Variants in KLHL8 observed in about 807,000 individuals in gnomAD.
KLHL8 encodes kelch-like protein 8.
Under a neutral mutation model 63.5 loss-of-function variants are expected in KLHL8, and 38 were observed. That is an observed-to-expected ratio of 0.60 (90% CI 0.46 to 0.78). KLHL8 has a LOEUF of 0.78. Among genes scored for constraint, KLHL8 ranks in the 30% least tolerant of loss-of-function variants. The pLI is 0.00. For synonymous variants in KLHL8, 224 were observed against 254.3 expected, an observed-to-expected ratio of 0.88 and a Z score of 1.13; for missense variants, 566 against 752.4, an observed-to-expected ratio of 0.75 and a Z score of 2.90.
intron 1 of KLHL8, among the ~76,000 whole-genome samples, chr4:87,215,048 C>T (rs1230648290): frequency 6.6e-6 from 1 of 152,182 alleles, no homozygotes; most frequent in Non-Finnish European, 1.5e-5. Flanking sequence ...ATCCACCTGC[C>T]TCGGCCTCCC....
intron 1 of KLHL8, among the ~76,000 whole-genome samples, chr4:87,232,773 C>T (rs1733157343): frequency 6.6e-6 from 1 of 152,036 alleles, no homozygotes; most frequent in African/African-American, 2.4e-5. Flanking sequence ...TCATAATTTG[C>T]ACTTATCTAG....
intron 1 of KLHL8, among the ~76,000 whole-genome samples, chr4:87,214,219 T>C (rs1368685609): frequency 6.6e-6 from 1 of 151,628 alleles, no homozygotes; most frequent in Admixed American, 6.6e-5. Context: ...ATCTTTTTTT[T>C]TTTAATGACA....
intron 1 of KLHL8, among the ~76,000 whole-genome samples, chr4:87,202,053 T>C (rs1316179978): frequency 6.7e-6 from 1 of 150,092 alleles, no homozygotes; most frequent in East Asian, 2.0e-4. Flanking sequence ...GAGCTTGCAG[T>C]GAGCCGAGAT....
intron 1 of KLHL8, among the ~76,000 whole-genome samples, chr4:87,214,357 T>A (rs1234421845): frequency 6.9e-6 from 1 of 145,660 alleles, no homozygotes; most frequent in Non-Finnish European, 1.5e-5. Flanking sequence ...AAAATAATAG[T>A]ATCAACCTCA....
chr4:87,236,943 C>T (rs185677914), intron 1 of KLHL8, among the ~76,000 whole-genome samples: 2 of 152,242 alleles, frequency 1.3e-5, no homozygotes, highest in African/African-American at 2.4e-5. Flanking sequence ...AGATTACAGG[C>T]GCGAGCCACG....
intron 6 of KLHL8, among the ~76,000 whole-genome samples, chr4:87,175,580 C>T (rs1382683645): frequency 6.6e-6 from 1 of 152,072 alleles, no homozygotes. Context: ...CTTTGGAATC[C>T]TGATTTGGTC....
Position 87,195,535 on chromosome 4 carries a change from GC to G in KLHL8, c.4del (p.Ala2LeufsTer5). On this transcript the variant is annotated frameshift_variant, in exon 2 of 10. Transcript: ENST00000273963. LOFTEE classifies it high-confidence loss of function. ...TTGTTTACTACTCATAGAATCTGAA[GC>G]CATTTGCAATATTCCTCTTTTAATA... Reference protein sequence around the residue: MASDSMSSKQAR... With the variant: MXSDSMSSKQAR... The G allele has an allele frequency of 6.2e-7, 1 of 1,611,922 alleles. No homozygotes were observed. The highest frequency in any genetic ancestry group is 1.3e-5 in the African/African-American group (1 of 74,922).
At chr4:87,222,130 A>G (rs946245723), upstream of KLHL8, among the ~76,000 whole-genome samples, 3 of 152,148 alleles carry the variant, frequency 2.0e-5, no homozygotes, top group Admixed American at 2.0e-4. Context: ...TAGACCTGCC[A>G]AAGAGGAACA....
chr4:87,203,064 C>A (rs1341929334), intron 1 of KLHL8, among the ~76,000 whole-genome samples: 1 of 152,150 alleles, frequency 6.6e-6, no homozygotes, highest in Non-Finnish European at 1.5e-5. Context: ...ACCACAACAA[C>A]ATACTAAAGA....
intron 6 of KLHL8, among the ~76,000 whole-genome samples, chr4:87,171,028 T>C (rs1578361472): frequency 6.6e-6 from 1 of 152,312 alleles, no homozygotes; most frequent in South Asian, 2.1e-4. Flanking sequence ...ACAGAGCTCA[T>C]TTTGTTGCAG....
In KLHL8 at chr4:87,195,589, T is replaced by A. The variant is rs113067191; in HGVS notation, c.-50A>T. The A allele has an allele frequency of 4.0e-6, 6 of 1,492,328 alleles. No individual in the cohort carries two copies. The highest frequency in any genetic ancestry group is 1.4e-5 in the African/African-American group (1 of 71,794). The allele number at this position is 1,492,328 out of a possible 1,614,324, so 92.4% of individuals were successfully genotyped here. A position where few individuals can be genotyped will look rare whatever the true frequency, so the allele number is the denominator to read the frequency against. ...GCTCTCTTCTCAAACATGCCATTTA[T>A]TTTTTTTCAAAGGGTAGAGAGAAGG... On this transcript the variant is annotated 5_prime_UTR_variant, in exon 2 of 10. Coordinates refer to ENST00000273963, the MANE Select transcript of KLHL8 (RefSeq NM_020803.5).
chr4:87,218,735 C>T (rs1267225286), intron 1 of KLHL8, among the ~76,000 whole-genome samples: 1 of 151,378 alleles, frequency 6.6e-6, no homozygotes, highest in African/African-American at 2.4e-5. Flanking sequence ...TATCCTTAGA[C>T]TTTTTTTTTC....
At chr4:87,224,562 A>G (rs1336673229), upstream of KLHL8, among the ~76,000 whole-genome samples, 1 of 152,210 alleles carries the variant, frequency 6.6e-6, no homozygotes, top group Non-Finnish European at 1.5e-5. Context: ...AAGAGCCTGA[A>G]CACCGCCAGC....
chr4:87,165,497 G>C (rs1258879406), intron 8 of KLHL8, among the ~76,000 whole-genome samples: 1 of 151,582 alleles, frequency 6.6e-6, no homozygotes, highest in Non-Finnish European at 1.5e-5. Flanking sequence ...GGGCTCAAGC[G>C]ATCCTCCCAC....
intron 8 of KLHL8, among the ~76,000 whole-genome samples, chr4:87,165,651 C>G (rs773360403): frequency 2.0e-5 from 3 of 152,044 alleles, no homozygotes; most frequent in Admixed American, 1.3e-4. Context: ...CCTGCCTCAG[C>G]CTCCCAAAGT....
chr4:87,163,881 T>C lies in KLHL8; in HGVS notation c.1736A>G (p.Asn579Ser), dbSNP rs747501000. 4.3e-6 allele frequency: 7 copies of C among 1,613,476 alleles called. No individual in the cohort carries two copies. The highest frequency in any genetic ancestry group is 1.3e-5 in the African/African-American group (1 of 75,014). ...NTVEAFDPVL[N>S]RWELVGSVSH... is the part of the protein sequence containing the mutation. ...ACGGAGACAACATGTAAATTACCTA[T>C]TCAGCACTGGATCAAACGCTTCTAC... The change falls in exon 9 of 10, where the codon AAT (asparagine) becomes AGT (serine). Residue 579 changes from asparagine to serine, a missense_variant. Asn to Ser is a conservative substitution (Grantham distance 46). Transcript: ENST00000273963.
At position 87,191,692 on chromosome 4, in the gene KLHL8, AT is replaced by A. The variant is rs142226664; in HGVS notation, c.216+3631del. Reference sequence around the variant, plus strand: ...TGAGGTTTGGTGTATAAATGAATCTATAACCCAGGTAGTGAGCATAATACAC... The same window carrying A: ...TGAGGTTTGGTGTATAAATGAATCTAAACCCAGGTAGTGAGCATAATACAC... On this transcript the variant is annotated intron_variant, in intron 2 of 9. Transcript: ENST00000273963. Among the ~76,000 whole-genome samples, 174 of 152,202 alleles carry A rather than the reference AT, an allele frequency of 1.1e-3. 6 individuals are homozygous for A. The East Asian group carries it at 0.032, about 28-fold the overall frequency.
chr4:87,200,407 G>A (rs1032464425), intron 1 of KLHL8, among the ~76,000 whole-genome samples: 2 of 152,026 alleles, frequency 1.3e-5, no homozygotes, highest in African/African-American at 4.8e-5. Flanking sequence ...TGATACCTAA[G>A]ACAATGTAAA....
intron 4 of KLHL8, among the ~76,000 whole-genome samples, chr4:87,181,308 T>C (rs1378732167): frequency 6.7e-6 from 1 of 150,064 alleles, no homozygotes; most frequent in African/African-American, 2.5e-5. Flanking sequence ...TTGCCCGGCG[T>C]GGTGGGGCAC....
Sources: gnomAD v4.1 joint callset for allele counts (sites outside exome capture counted in the v4.1 genomes callset) on GRCh38, gnomAD v4.1.1 for gene constraint, MANE v1.5 for transcripts, NCBI Gene and HGNC (gene_info 2026-07-23, HGNC 2026-07-21) for gene names.